SLC14A2: variants seen among roughly 807,000 people sequenced by gnomAD.
SLC14A2 encodes urea transporter 2.
In SLC14A2, 91 loss-of-function variants were observed where a neutral mutation model predicts 104.6. The ratio of observed to expected loss-of-function variants is 0.87; its 90% CI spans 0.73 to 1.04. The LOEUF is 1.04. SLC14A2 is among the 50% of genes least tolerant of loss of function. The probability of loss-of-function intolerance (pLI) is 0.00; values close to 1 mark genes in which losing one functional copy is unlikely to be tolerated. For missense variants in SLC14A2, 1,189 were observed against 1,156.0 expected (o/e 1.03, Z -0.41); for synonymous variants, 476 against 466.4 (o/e 1.02, Z -0.27).
intron 1 of SLC14A2, among the ~76,000 whole-genome samples, chr18:45,221,070 C>T (rs2084057348): frequency 6.6e-6 from 1 of 152,196 alleles, no homozygotes; most frequent in African/African-American, 2.4e-5. Flanking sequence ...CAACTACAGT[C>T]ACATTCTGAG....
At chr18:45,477,927 G>T (rs868555761) in intron 1 of SLC14A2, among the ~76,000 whole-genome samples, 6 of 152,326 alleles carry the variant, frequency 3.9e-5, no homozygotes, top group Middle Eastern at 3.4e-3. Flanking sequence ...GGCTCCATAG[G>T]GGTGGGATCC....
chr18:45,313,876 C>G (rs1485109528), intron 1 of SLC14A2, among the ~76,000 whole-genome samples: 1 of 152,144 alleles, frequency 6.6e-6, no homozygotes, highest in Non-Finnish European at 1.5e-5. Context: ...GTTCCCTTAC[C>G]TTCACTATGC....
At chr18:45,529,273 T>C (rs2043644646) in intron 2 of SLC14A2, 1 of 152,224 alleles carries the variant, frequency 6.6e-6, no homozygotes, top group East Asian at 1.9e-4. Context: ...GAAAAAATAC[T>C]GTTTTAAAAA....
intron 2 of SLC14A2, among the ~76,000 whole-genome samples, chr18:45,590,850 A>G (rs1295706663): frequency 6.6e-6 from 1 of 152,356 alleles, no homozygotes; most frequent in East Asian, 1.9e-4. Context: ...CATGGATTAA[A>G]TCACTTCATC....
In SLC14A2 at chr18:45,414,751, AAAAAAAATATATAT is replaced by A. The variant is rs1263326481; in HGVS notation, c.-124-68480_-124-68467del. Among the ~76,000 whole-genome samples, 3 of 70,892 alleles carry A rather than the reference AAAAAAAATATATAT, an allele frequency of 4.2e-5. 1 individual carries two copies. Among genetic ancestry groups the A allele is most frequent in the East Asian group, 8.1e-4 (2 of 2,470 alleles). The allele number at this position is 70,892 out of a possible 152,430, so 46.5% of individuals were successfully genotyped here. A position where few individuals can be genotyped will look rare whatever the true frequency, so the allele number is the denominator to read the frequency against. On this transcript the variant is annotated intron_variant, in intron 1 of 20. Coordinates refer to the SLC14A2 transcript ENST00000586448. Reference sequence around the variant, plus strand: ...GGTGCAAGGCACCGAGCGTAAAAAAAAAAAAAATATATATATATATATATATATATATATATATA... The same window carrying A: ...GGTGCAAGGCACCGAGCGTAAAAAAAATATATATATATATATATATATATA...
At chr18:45,275,271 C>T (rs2084690666) in intron 1 of SLC14A2, among the ~76,000 whole-genome samples, 1 of 152,156 alleles carries the variant, frequency 6.6e-6, no homozygotes, top group South Asian at 2.1e-4. Flanking sequence ...TTTTGAAAAA[C>T]TATATCTCCA....
intron 1 of SLC14A2, among the ~76,000 whole-genome samples, chr18:45,265,897 G>C (rs1429680063): frequency 6.6e-6 from 1 of 152,168 alleles, no homozygotes; most frequent in African/African-American, 2.4e-5. Flanking sequence ...GGAGAGAACA[G>C]TTACCAAAAT....
intron 1 of SLC14A2, among the ~76,000 whole-genome samples, chr18:45,434,475 G>A (rs2086564876): frequency 6.6e-6 from 1 of 152,048 alleles, no homozygotes; most frequent in Non-Finnish European, 1.5e-5. Context: ...GAGCTTTGTT[G>A]TTGTTGTTGT....
In SLC14A2 at chr18:45,329,665, T is replaced by G. The variant is rs181817330; in HGVS notation, c.-125+116474T>G. ...TAAAATATGTATACCTTGACTCTGC[T>G]GTGAGATTCTAAATGCCTGCAAGTC... On this transcript the variant is annotated intron_variant, in intron 1 of 20. Coordinates refer to the SLC14A2 transcript ENST00000586448. 1.0e-3 allele frequency among the ~76,000 whole-genome samples: 155 copies of G among 152,340 alleles called. 1 individual carries two copies. Among genetic ancestry groups the G allele is most frequent in the African/African-American group, 3.6e-3 (151 of 41,574 alleles).
intron 1 of SLC14A2, among the ~76,000 whole-genome samples, chr18:45,300,433 T>TC (rs141436633): frequency 1.3e-5 from 2 of 148,704 alleles, no homozygotes; most frequent in East Asian, 2.0e-4. Flanking sequence ...TGCTGAACCC[T>TC]CCCCAAAAAA....
intron 1 of SLC14A2, among the ~76,000 whole-genome samples, chr18:45,466,167 G>A (rs771490752): frequency 2.0e-4 from 30 of 152,108 alleles, no homozygotes; most frequent in African/African-American, 4.1e-4. Flanking sequence ...ACAGTTGATC[G>A]TTTTGCACTA....
rs745363624 is a variant in SLC14A2 at position 45,252,792 on chromosome 18, C to CTTTTTTTT, written c.-125+39611_-125+39618dup. On this transcript the variant is annotated intron_variant, in intron 1 of 20. Transcript: ENST00000586448. The stretch of plus-strand genomic sequence containing the variant: ...TGCAACATACTCATAGCAATATTGA[C>CTTTTTTTT]TTTTTTTTTTTTTTTTTGGCAAATG... Among the ~76,000 whole-genome samples, 1,003 of 126,642 alleles carry CTTTTTTTT rather than the reference C, an allele frequency of 7.9e-3. 14 individuals are homozygous for CTTTTTTTT. Among genetic ancestry groups the CTTTTTTTT allele is most frequent in the East Asian group, 0.019 (85 of 4,504 alleles). 83.1% of individuals were successfully genotyped at this position (126,642 alleles called of 152,430 possible).
chr18:45,272,664 A>G (rs1252945389), intron 1 of SLC14A2, among the ~76,000 whole-genome samples: 1 of 152,138 alleles, frequency 6.6e-6, no homozygotes, highest in East Asian at 1.9e-4. Flanking sequence ...CAAAAAATAG[A>G]ATGAATGAAT....
intron 1 of SLC14A2, among the ~76,000 whole-genome samples, chr18:45,346,042 T>C (rs1335142904): frequency 2.0e-5 from 3 of 152,224 alleles, no homozygotes; most frequent in African/African-American, 7.2e-5. Flanking sequence ...CATAGTTTAG[T>C]CTGCATTTCC....
At chr18:45,346,784 A>G (rs2085452409) in intron 1 of SLC14A2, among the ~76,000 whole-genome samples, 1 of 151,918 alleles carries the variant, frequency 6.6e-6, no homozygotes, top group Admixed American at 6.6e-5. Context: ...CAACATGGTG[A>G]AACCCCATCT....
chr18:45,583,332 C>G (rs1490787168), intron 2 of SLC14A2, among the ~76,000 whole-genome samples: 1 of 152,206 alleles, frequency 6.6e-6, no homozygotes, highest in Non-Finnish European at 1.5e-5. Context: ...CCCTTCCTCC[C>G]TGAAGCTTTG....
At chr18:45,364,023 T>C (rs1052283409) in intron 1 of SLC14A2, among the ~76,000 whole-genome samples, 18 of 152,160 alleles carry the variant, frequency 1.2e-4, no homozygotes, top group African/African-American at 4.1e-4. Flanking sequence ...CTAATAACTG[T>C]ACCCATCCTT....
chr18:45,473,750 G>A (rs571314700), intron 1 of SLC14A2, among the ~76,000 whole-genome samples: 1 of 152,206 alleles, frequency 6.6e-6, no homozygotes, highest in African/African-American at 2.4e-5. Flanking sequence ...CTTTGCTGAA[G>A]TTGCTGATCA....
rs527623703 is a variant in SLC14A2 at position 45,670,489 on chromosome 18, T to G, written c.2229+991T>G. ...ACTCTGAGACTTCGTTATTGGCAAC[T>G]CATCATCTGACCACAAAATCACTTG... On this transcript the variant is annotated intron_variant, in intron 16 of 19. Transcript: ENST00000255226. Among the ~76,000 whole-genome samples, 4 of 152,310 alleles carry G rather than the reference T, an allele frequency of 2.6e-5. 1 individual carries two copies. Among genetic ancestry groups the G allele is most frequent in the African/African-American group, 9.6e-5 (4 of 41,564 alleles).
Sources: allele counts gnomAD v4.1 joint callset (sites outside exome capture counted in the v4.1 genomes callset), GRCh38; gene constraint gnomAD v4.1.1; transcripts MANE v1.5; gene names NCBI Gene and HGNC (gene_info 2026-07-23, HGNC 2026-07-21).